IQANK1: variants seen among roughly 807,000 people sequenced by gnomAD.
The protein encoded by IQANK1 is IQ motif and ankyrin repeat domain-containing protein 1.
A neutral mutation model predicts 22.6 loss-of-function variants in IQANK1; 30 were observed. That is an observed-to-expected ratio of 1.33 (90% CI 0.99 to 1.80). The LOEUF (loss-of-function observed/expected upper bound fraction) is 1.80, where lower values mean the gene tolerates loss of function less well. Ranked by LOEUF, IQANK1 falls within the 40% of genes most tolerant of loss-of-function variation. The probability of loss-of-function intolerance (pLI) is 0.00; values close to 1 mark genes in which losing one functional copy is unlikely to be tolerated. For missense variants in IQANK1, 275 were observed against 235.2 expected (o/e 1.17, Z -1.11); for synonymous variants, 122 against 99.6 (o/e 1.23, Z -1.34).
chr8:143,748,784 TATATAAATATATAAATATATATC>T lies in IQANK1; in HGVS notation c.175+8859_175+8881del, dbSNP rs1338547665. ...ATATATATAATATATAAATATATCATATATAAATATATAAATATATATCATATAAATATATAAATATATATTTC... is the reference window on the plus strand; with the variant it reads ...ATATATATAATATATAAATATATCATATATAAATATATAAATATATATTTC... On this transcript the variant is annotated intron_variant, in intron 3 of 13. Coordinates refer to ENST00000527139, the MANE Select transcript of IQANK1 (RefSeq NM_001381874.1). Among the ~76,000 whole-genome samples, 62 of 51,326 alleles carry T rather than the reference TATATAAATATATAAATATATATC, an allele frequency of 1.2e-3. 1 individual carries two copies. In the South Asian group the frequency reaches 0.021, roughly 17 times the overall value. 33.7% of individuals were successfully genotyped at this position (51,326 alleles called of 152,430 possible).
At chr8:143,789,316 A>C (rs1819965531) in intron 9 of IQANK1, 73 bp downstream of exon 9, 2 of 443,904 alleles carry the variant, frequency 4.5e-6, no homozygotes, top group Middle Eastern at 5.8e-4. Flanking sequence ...GAGCCGAGGG[A>C]GGGCCAGGAA....
In IQANK1 at chr8:143,789,211, C is replaced by G; in HGVS notation, c.961C>G (p.Leu321Val). Reference sequence around the variant, plus strand: ...TAGTATGACCCTCAAGGTCCAACAGCTGACCAGGGAGCAGCAGCAGTGTCA... The same window carrying G: ...TAGTATGACCCTCAAGGTCCAACAGGTGACCAGGGAGCAGCAGCAGTGTCA... Reference protein sequence around the residue: ...CGSMTLKVQQLTREQQQCHKE... With the variant: ...CGSMTLKVQQVTREQQQCHKE... Residue 321 changes from leucine (L) to valine (V), a missense_variant, in exon 9 of 14, where the codon CTG (leucine) becomes GTG (valine). Physicochemically the swap from Leu to Val is conservative, Grantham distance 32. Coordinates refer to ENST00000527139, the MANE Select transcript of IQANK1 (RefSeq NM_001381874.1). 1.0e-5 allele frequency: 4 copies of G among 399,522 alleles called. No homozygotes were observed. The highest frequency in any genetic ancestry group is 1.8e-5 in the Non-Finnish European group (4 of 226,472). The allele number at this position is 399,522 out of a possible 1,614,324, so 24.7% of individuals were successfully genotyped here. A position where few individuals can be genotyped will look rare whatever the true frequency, so the allele number is the denominator to read the frequency against.
At chr8:143,776,772 T>C (rs1819693869) in intron 7 of IQANK1, among the ~76,000 whole-genome samples, 1 of 152,108 alleles carries the variant, frequency 6.6e-6, no homozygotes, top group Non-Finnish European at 1.5e-5. Context: ...AATAAGGCAG[T>C]TGAATATTTA....
At position 143,771,813 on chromosome 8, in the gene IQANK1, C is replaced by G. The variant is rs1554629807; in HGVS notation, c.319C>G (p.Pro107Ala). ...GGGCGCCTCCCAGGCCTACCTGGCT[C>G]CGGTGCGCCGGGAGCAGGAGGCCGC... The part of the protein sequence containing the change: ...ETPQKEAYLA[P>A]VRREQEAARR... The change falls in exon 5 of 14, where the codon CCG (proline) becomes GCG (alanine). Residue 107 changes from proline to alanine, a missense_variant. Coordinates refer to ENST00000527139, the MANE Select transcript of IQANK1 (RefSeq NM_001381874.1). The surrounding 1 kb of genome is among the most constrained non-coding windows in gnomAD (Gnocchi z 6.0). The G allele has an allele frequency of 2.5e-6, 1 of 396,054 alleles. No homozygotes were observed. Among genetic ancestry groups the G allele is most frequent in the Admixed American group, 4.4e-5 (1 of 22,606 alleles). The allele number at this position is 396,054 out of a possible 1,614,324, so 24.5% of individuals were successfully genotyped here.
chr8:143,760,457 C>T (rs1292875342), intron 3 of IQANK1: 1 of 149,220 alleles, frequency 6.7e-6, no homozygotes, highest in Non-Finnish European at 1.5e-5. Context: ...AGGTGGATCA[C>T]TGGAGTGCAG....
Position 143,755,867 on chromosome 8 carries a change from T to TG in IQANK1, c.176-15619dup, listed in dbSNP as rs568427385. Among the ~76,000 whole-genome samples the TG allele has an allele frequency of 3.9e-5, 6 of 152,328 alleles. No homozygotes were observed. The South Asian group carries it at 1.2e-3, about 32-fold the overall frequency. ...GGGGCTCAGTGTCCATCTCTGCTGC[T>TG]GGAAGGTTCAGCATTCAGTGGTGGC... On this transcript the variant is annotated intron_variant, in intron 3 of 13. Coordinates refer to ENST00000527139, the MANE Select transcript of IQANK1 (RefSeq NM_001381874.1).
intron 3 of IQANK1, among the ~76,000 whole-genome samples, chr8:143,750,346 TACAGTC>T (rs1274365263): frequency 6.6e-6 from 1 of 152,218 alleles, no homozygotes; most frequent in Non-Finnish European, 1.5e-5. Flanking sequence ...CTGATACTAG[TACAGTC>T]ATTCCTCCTC....
intron 3 of IQANK1, among the ~76,000 whole-genome samples, chr8:143,749,251 T>C (rs1209321861): frequency 8.1e-6 from 1 of 123,866 alleles, no homozygotes; most frequent in Non-Finnish European, 1.6e-5. Flanking sequence ...TCATATATGT[T>C]ATATATGATA....
chr8:143,770,141 A>G (rs2129902834), intron 3 of IQANK1, among the ~76,000 whole-genome samples: 1 of 152,324 alleles, frequency 6.6e-6, no homozygotes, highest in South Asian at 2.1e-4. Context: ...CTTTCCTGTC[A>G]TAGGTGCTTT....
At chr8:143,757,260 C>T (rs546409174) in intron 3 of IQANK1, among the ~76,000 whole-genome samples, 1 of 151,980 alleles carries the variant, frequency 6.6e-6, no homozygotes, top group Non-Finnish European at 1.5e-5. Context: ...GCTCCAGGGT[C>T]GCCTTTGAAA....
chr8:143,743,082 A>G, intron 3 of IQANK1: 1 of 455,296 alleles, frequency 2.2e-6, no homozygotes, highest in South Asian at 1.6e-5. Context: ...CAGCCACCAC[A>G]TCTACCAGCT....
intron 3 of IQANK1, among the ~76,000 whole-genome samples, chr8:143,762,966 TCTTTC>T (rs1210538381): frequency 1.1e-4 from 16 of 149,982 alleles, no homozygotes; most frequent in African/African-American, 3.3e-4. Flanking sequence ...TCTTTTCTTT[TCTTTC>T]CTTTCCTTTC....
chr8:143,772,734 T>TCTG (rs1819605939), intron 7 of IQANK1, among the ~76,000 whole-genome samples: 1 of 152,222 alleles, frequency 6.6e-6, no homozygotes, highest in African/African-American at 2.4e-5. Flanking sequence ...ACCTCGTCAG[T>TCTG]CTGCAGTGGA....
intron 7 of IQANK1, among the ~76,000 whole-genome samples, chr8:143,778,468 T>C (rs1284510088): frequency 6.6e-6 from 1 of 152,178 alleles, no homozygotes; most frequent in East Asian, 1.9e-4. Flanking sequence ...AAATCCTAAA[T>C]GTTCATGCAG....
chr8:143,764,713 T>C (rs1819455444), intron 3 of IQANK1, among the ~76,000 whole-genome samples: 1 of 152,182 alleles, frequency 6.6e-6, no homozygotes, highest in African/African-American at 2.4e-5. Context: ...TTTCCATAAT[T>C]ATGAAGAGGC....
At chr8:143,766,673 G>A (rs544199804) in intron 3 of IQANK1, among the ~76,000 whole-genome samples, 57 of 150,122 alleles carry the variant, frequency 3.8e-4, no homozygotes, top group Non-Finnish European at 7.1e-4. Flanking sequence ...TCTGTCTCAC[G>A]AAAAAAAGAA....
intron 3 of IQANK1, chr8:143,741,805 C>G (rs1818923371): frequency 6.5e-6 from 1 of 154,772 alleles, no homozygotes; most frequent in Non-Finnish European, 1.4e-5. Context: ...GAGGCTATTC[C>G]AGGAAGTCCA....
At chr8:143,768,407 T>C (rs1368398310) in intron 3 of IQANK1, among the ~76,000 whole-genome samples, 3 of 152,094 alleles carry the variant, frequency 2.0e-5, no homozygotes, top group Admixed American at 6.5e-5. Context: ...GTAAATGTAC[T>C]ATGTTTTCCT....
intron 3 of IQANK1, chr8:143,743,831 T>G (rs1554626933): frequency 1.2e-5 from 5 of 432,056 alleles, no homozygotes; most frequent in South Asian, 6.7e-5. Context: ...TCTGAATACT[T>G]ATTGGATTCT....
Sources: allele counts gnomAD v4.1 joint callset (sites outside exome capture counted in the v4.1 genomes callset), GRCh38; gene constraint gnomAD v4.1.1; non-coding constraint Gnocchi (gnomAD v3.1); transcripts MANE v1.5; gene names NCBI Gene and HGNC (gene_info 2026-07-23, HGNC 2026-07-21).